ADCY8: variants seen among roughly 807,000 people sequenced by gnomAD.
The protein encoded by ADCY8 is adenylate cyclase 8.
A neutral mutation model predicts 119.7 loss-of-function variants in ADCY8; 51 were observed. The ratio of observed to expected loss-of-function variants is 0.43; its 90% CI spans 0.34 to 0.54. ADCY8 has a LOEUF of 0.54. ADCY8 is among the 20% of genes least tolerant of loss of function. The probability of loss-of-function intolerance (pLI) is 0.03; values close to 1 mark genes in which losing one functional copy is unlikely to be tolerated. For synonymous variants in ADCY8, 665 were observed against 651.0 expected (o/e 1.02, Z -0.33); for missense variants, 1,383 against 1,598.8 (o/e 0.87, Z 2.30).
At chr8:130,951,642 A>C (rs960383425) in intron 3 of ADCY8, among the ~76,000 whole-genome samples, 1 of 152,222 alleles carries the variant, frequency 6.6e-6, no homozygotes, top group African/African-American at 2.4e-5. Context: ...TAGGAGAGCT[A>C]GGCAGTAAGT....
At position 130,780,695 on chromosome 8, in the gene ADCY8, C is replaced by T; in HGVS notation, c.3451G>A (p.Gly1151Arg). ...KDQGFAFDYR[G>R]EIYVKGISEQ... is the part of the protein sequence containing the mutation. ...CTGATACCCTTCACATAGATCTCCC[C>T]TCGGTAATCAAAGGCAAAGCCCTGG... The change falls in exon 18 of 18, where the codon GGG (glycine) becomes AGG (arginine). Residue 1151 changes from glycine to arginine, a missense_variant. Physicochemically the swap from Gly to Arg is moderately radical, Grantham distance 125. Around this residue, in one of 2 missense-constraint regions of ADCY8, gnomAD observed 928 missense variants for 1,163.5 expected, o/e 0.80. Transcript: ENST00000286355. 1 of 1,614,180 alleles carries T rather than the reference C, an allele frequency of 6.2e-7. No homozygotes were observed. The highest frequency in any genetic ancestry group is 8.5e-7 in the Non-Finnish European group (1 of 1,180,014).
intron 2 of ADCY8, among the ~76,000 whole-genome samples, chr8:130,957,909 A>G (rs1821479923): frequency 6.6e-6 from 1 of 152,246 alleles, no homozygotes; most frequent in Non-Finnish European, 1.5e-5. Flanking sequence ...CTGGATGCTC[A>G]GACAGAAGTT....
intron 2 of ADCY8, among the ~76,000 whole-genome samples, chr8:130,955,445 C>T (rs1369276111): frequency 6.6e-6 from 1 of 152,044 alleles, no homozygotes; most frequent in East Asian, 1.9e-4. Context: ...TAAAAAAATC[C>T]CTCCAAGCCC....
chr8:130,895,058 A>T (rs901689154), intron 7 of ADCY8, among the ~76,000 whole-genome samples: 1 of 152,170 alleles, frequency 6.6e-6, no homozygotes, highest in African/African-American at 2.4e-5. Flanking sequence ...ACCAAGAATG[A>T]TAGAAAATAA....
intron 1 of ADCY8, among the ~76,000 whole-genome samples, chr8:131,017,795 T>G (rs1435550273): frequency 6.7e-6 from 1 of 150,046 alleles, no homozygotes; most frequent in Non-Finnish European, 1.5e-5. Flanking sequence ...GTTTTAAAAA[T>G]GATGGCAGAG....
chr8:130,896,461 G>T (rs1237180595), intron 7 of ADCY8, among the ~76,000 whole-genome samples: 2 of 152,116 alleles, frequency 1.3e-5, no homozygotes, highest in Non-Finnish European at 2.9e-5. Context: ...AAAGAGGCTT[G>T]CCCCTTAGTT....
intron 15 of ADCY8, among the ~76,000 whole-genome samples, chr8:130,790,440 A>G (rs1815390632): frequency 6.6e-6 from 1 of 152,118 alleles, no homozygotes; most frequent in Admixed American, 6.5e-5. Context: ...AGCCTGTTCT[A>G]TTTTTGTGAC....
At chr8:130,840,948 T>G (rs1817120998) in intron 11 of ADCY8, among the ~76,000 whole-genome samples, 1 of 152,174 alleles carries the variant, frequency 6.6e-6, no homozygotes, top group Non-Finnish European at 1.5e-5. Flanking sequence ...ACCTCAGTTT[T>G]TACCGTTAAA....
rs748241730 is a variant in ADCY8 at position 131,039,514 on chromosome 8, C to G, written c.820G>C (p.Val274Leu). ...TAGGTGGCGAAGAGCGTGAAGAGCA[C>G]GTAGCCTATGCCGTCGCCCAGGAGC... is the stretch of plus-strand genomic sequence containing the variant. Reference protein sequence around the residue: ...YGLLGDGIGYVLFTLFATYSM... With the variant: ...YGLLGDGIGYLLFTLFATYSM... Residue 274 changes from valine to leucine, a missense_variant, in exon 1 of 18, where the codon GTG (valine) becomes CTG (leucine). This residue lies in a region of ADCY8 where 455 missense variants were observed against 435.3 expected (regional missense o/e 1.05). Coordinates refer to ENST00000286355, the MANE Select transcript of ADCY8 (RefSeq NM_001115.3). The G allele has an allele frequency of 3.8e-5, 61 of 1,613,934 alleles. No homozygotes were observed. Among genetic ancestry groups the G allele is most frequent in the Non-Finnish European group, 5.1e-5 (60 of 1,180,030 alleles).
intron 1 of ADCY8, among the ~76,000 whole-genome samples, chr8:131,021,733 G>A (rs979261334): frequency 6.6e-6 from 1 of 152,144 alleles, no homozygotes; most frequent in Non-Finnish European, 1.5e-5. Flanking sequence ...CTGCTGCCAT[G>A]TGAAGAAGGA....
chr8:131,011,668 G>A (rs951097135), intron 1 of ADCY8, among the ~76,000 whole-genome samples: 2 of 152,206 alleles, frequency 1.3e-5, no homozygotes, highest in Non-Finnish European at 2.9e-5. Context: ...GTGTATTGAA[G>A]GACCTGGCTT....
Position 131,038,893 on chromosome 8 carries a change from G to A in ADCY8, c.960+481C>T, listed in dbSNP as rs148137469. 6.6e-5 allele frequency among the ~76,000 whole-genome samples: 10 copies of A among 152,286 alleles called. No homozygotes were observed. The East Asian group carries it at 1.7e-3, about 26-fold the overall frequency. On this transcript the variant is annotated intron_variant, in intron 1 of 17. Transcript: ENST00000286355. ...GACAATCAGTATGTGTTTAACAAAT[G>A]TATGTTCCTTTGAGAACTGAGGGTT... is the stretch of plus-strand genomic sequence containing the variant.
chr8:130,956,671 G>T (rs1183681144), intron 2 of ADCY8, among the ~76,000 whole-genome samples: 5 of 152,136 alleles, frequency 3.3e-5, no homozygotes, highest in East Asian at 1.9e-4. Context: ...ATCTTAAATT[G>T]TACTCCCATA....
chr8:130,963,607 A>G (rs1821673118), intron 2 of ADCY8, among the ~76,000 whole-genome samples: 1 of 152,228 alleles, frequency 6.6e-6, no homozygotes, highest in Admixed American at 6.5e-5. Context: ...TTAGTCCCCA[A>G]GATGACAGGA....
At chr8:130,957,897 A>G (rs1235756855) in intron 2 of ADCY8, among the ~76,000 whole-genome samples, 1 of 152,230 alleles carries the variant, frequency 6.6e-6, no homozygotes. Flanking sequence ...GTATGGAAAT[A>G]CCTGGATGCT....
At chr8:130,977,147 G>A (rs906116976) in intron 2 of ADCY8, among the ~76,000 whole-genome samples, 6 of 152,170 alleles carry the variant, frequency 3.9e-5, no homozygotes, top group Non-Finnish European at 5.9e-5. Context: ...AAACTGCCCG[G>A]GTCGGGTGTG....
At chr8:131,008,000 G>A (rs895267247) in intron 1 of ADCY8, among the ~76,000 whole-genome samples, 4 of 152,156 alleles carry the variant, frequency 2.6e-5, no homozygotes, top group African/African-American at 4.8e-5. Context: ...CAATGAGGTA[G>A]GTGCTACTAT....
chr8:130,801,794 G>T (rs181981178), intron 14 of ADCY8, among the ~76,000 whole-genome samples: 86 of 151,944 alleles, frequency 5.7e-4, no homozygotes, highest in Middle Eastern at 6.8e-3. Flanking sequence ...CTGGACACCT[G>T]CAGATTGGTG....
chr8:130,818,770 T>C (rs1429578743), intron 13 of ADCY8, among the ~76,000 whole-genome samples: 2 of 152,264 alleles, frequency 1.3e-5, no homozygotes, highest in South Asian at 4.2e-4. Flanking sequence ...CTTGAAGTGA[T>C]ACAACCCTGC....
Sources: allele counts gnomAD v4.1 joint callset (sites outside exome capture counted in the v4.1 genomes callset), GRCh38; gene constraint gnomAD v4.1.1; regional missense constraint gnomAD v4.1.1; transcripts MANE v1.5; gene names NCBI Gene and HGNC (gene_info 2026-07-23, HGNC 2026-07-21).